KIF5C: variants seen among roughly 807,000 people sequenced by gnomAD.
The protein encoded by KIF5C is kinesin heavy chain isoform 5C.
KIF5C carries 18 observed loss-of-function variants against 125.2 expected under a neutral mutation model. That is an observed-to-expected ratio of 0.14 (90% CI 0.10 to 0.21). The LOEUF (loss-of-function observed/expected upper bound fraction) is 0.21, where lower values mean the gene tolerates loss of function less well. KIF5C is among the 10% of genes least tolerant of loss of function. The pLI, the probability that KIF5C is intolerant of heterozygous loss-of-function variation, is 1.00. For missense variants in KIF5C, 780 were observed against 1,183.8 expected, an observed-to-expected ratio of 0.66 and a Z score of 5.01; for synonymous variants, 405 against 434.0, an observed-to-expected ratio of 0.93 and a Z score of 0.83.
intron 3 of KIF5C, among the ~76,000 whole-genome samples, chr2:148,935,243 G>GCC (rs1472311747): frequency 8.1e-4 from 123 of 152,314 alleles, no homozygotes; most frequent in South Asian, 6.0e-3. Flanking sequence ...ACTTGTATAA[G>GCC]CCAGGAATCA....
intron 2 of KIF5C, among the ~76,000 whole-genome samples, chr2:148,925,705 C>A (rs1681965439): frequency 6.6e-6 from 1 of 152,138 alleles, no homozygotes; most frequent in Non-Finnish European, 1.5e-5. Context: ...TATGAGTGGT[C>A]CCTGTTCTGT....
intron 16 of KIF5C, among the ~76,000 whole-genome samples, chr2:148,993,757 T>C (rs879496581): frequency 2.0e-5 from 3 of 152,240 alleles, no homozygotes; most frequent in Non-Finnish European, 4.4e-5. Flanking sequence ...CAACAAGCTC[T>C]CATTCATCCA....
intron 1 of KIF5C, chr2:148,888,167 C>T (rs1023931901): frequency 6.6e-6 from 1 of 152,222 alleles, no homozygotes; most frequent in African/African-American, 2.4e-5. Flanking sequence ...GAAGGGGCCC[C>T]CAGTCGCCGG....
Position 148,953,082 on chromosome 2 carries a change from T to C in KIF5C, c.968+2620T>C, listed in dbSNP as rs181826357. 7.2e-5 allele frequency among the ~76,000 whole-genome samples: 11 copies of C among 152,328 alleles called. No individual in the cohort carries two copies. The East Asian group carries it at 7.7e-4, about 11-fold the overall frequency. On this transcript the variant is annotated intron_variant, in intron 10 of 25. Coordinates refer to ENST00000435030, the MANE Select transcript of KIF5C (RefSeq NM_004522.3). ...ATATAAATTATGTTTTCAAATGAAATAGGTCGGTCTACATTCTTTTATCAG... is the reference window on the plus strand; with the variant it reads ...ATATAAATTATGTTTTCAAATGAAACAGGTCGGTCTACATTCTTTTATCAG...
At chr2:148,891,800 C>T (rs142726894) in intron 1 of KIF5C, among the ~76,000 whole-genome samples, 1,898 of 152,180 alleles carry the variant, frequency 0.012, 35 homozygotes, top group African/African-American at 0.043. Flanking sequence ...CAGGTTCAAG[C>T]GATTTTCCTG....
Position 148,978,942 on chromosome 2 carries a change from G to A in KIF5C, c.1314G>A (p.Gln438=). The A allele has an allele frequency of 6.3e-7, 1 of 1,599,142 alleles. No homozygotes were observed. Among genetic ancestry groups the A allele is most frequent in the Non-Finnish European group, 8.5e-7 (1 of 1,172,864 alleles). Residue 438 remains glutamine, a synonymous_variant, in exon 13 of 26, where the codon CAG becomes CAA. Transcript: ENST00000435030. ...TTCAGGATGATGAAATTAACCAGCA[G>A]AGCCAGCTGGCTGAAAAGCTGAAGC... ...LDDKDDEINQ[Q]SQLAEKLKQQ... is the part of the protein sequence containing the mutation.
chr2:148,986,311 A>G (rs1009232104), intron 15 of KIF5C, among the ~76,000 whole-genome samples: 6 of 152,220 alleles, frequency 3.9e-5, no homozygotes, highest in African/African-American at 1.4e-4. Flanking sequence ...GATTCCAGAC[A>G]TTGGATGTCC....
chr2:148,997,138 TA>T (rs1681697747), intron 17 of KIF5C, 125 bp from the exon 18 acceptor site: 2 of 1,415,692 alleles, frequency 1.4e-6, no homozygotes, highest in South Asian at 3.0e-5. Context: ...GCCATGGTTG[TA>T]ATTGCTGATA....
rs975950458 is a variant in KIF5C at position 148,933,768 on chromosome 2, C to T, written c.292-3516C>T. ...ATACACACGCACACACATACATTCA[C>T]GACACACCATATACCACATACCCCC... On this transcript the variant is annotated intron_variant, in intron 3 of 25. Coordinates refer to ENST00000435030, the MANE Select transcript of KIF5C (RefSeq NM_004522.3). Among the ~76,000 whole-genome samples, 240 of 150,022 alleles carry T rather than the reference C, an allele frequency of 1.6e-3. 1 individual carries two copies. Among genetic ancestry groups the T allele is most frequent in the African/African-American group, 5.3e-3 (215 of 40,820 alleles).
Position 148,875,746 on chromosome 2 carries a change from A to T in KIF5C, c.126+3A>T. 1 of 1,603,370 alleles carries T rather than the reference A, an allele frequency of 6.2e-7. No individual in the cohort carries two copies. Among genetic ancestry groups the T allele is most frequent in the Admixed American group, 1.7e-5 (1 of 58,660 alleles). ...GCGATGAGACCGTGGTGATCGGGGTAAGTGGCTGGGGCGTCTGCCTTCCCT... is the reference window on the plus strand; with the variant it reads ...GCGATGAGACCGTGGTGATCGGGGTTAGTGGCTGGGGCGTCTGCCTTCCCT... On this transcript the variant is annotated splice_donor_region_variant and intron_variant, in intron 1 of 25. Coordinates refer to ENST00000435030, the MANE Select transcript of KIF5C (RefSeq NM_004522.3).
At chr2:148,949,521 G>T (rs991255065) in intron 8 of KIF5C, among the ~76,000 whole-genome samples, 2 of 152,134 alleles carry the variant, frequency 1.3e-5, no homozygotes, top group Non-Finnish European at 2.9e-5. Flanking sequence ...CCCAGGGCCC[G>T]AGCTACCCAT....
At chr2:148,926,667 C>T (rs1414134055) in intron 2 of KIF5C, among the ~76,000 whole-genome samples, 4 of 152,212 alleles carry the variant, frequency 2.6e-5, no homozygotes, top group African/African-American at 9.7e-5. Context: ...TGCCTTCCCT[C>T]ACCAGCAAAT....
At chr2:149,015,761 G>A (rs1682340585) in intron 25 of KIF5C, among the ~76,000 whole-genome samples, 1 of 152,172 alleles carries the variant, frequency 6.6e-6, no homozygotes, top group South Asian at 2.1e-4. Context: ...GTGACATTGG[G>A]CAAGTTACTT....
At chr2:149,019,386 A>G (rs1470316639) in intron 25 of KIF5C, among the ~76,000 whole-genome samples, 1 of 152,196 alleles carries the variant, frequency 6.6e-6, no homozygotes, top group Non-Finnish European at 1.5e-5. Context: ...CAGACCTGAA[A>G]AGACAGCTGA....
intron 21 of KIF5C, among the ~76,000 whole-genome samples, chr2:149,004,002 G>A (rs891677213): frequency 7.9e-5 from 12 of 152,236 alleles, no homozygotes; most frequent in African/African-American, 2.9e-4. Context: ...CCTCCGGCAG[G>A]GCCTGGGACA....
In KIF5C at chr2:148,875,575, G is replaced by GGCCCCCCCCCCC; in HGVS notation, c.-43_-42insGCCCCCCCCCCC. 15 of 699,592 alleles carry GGCCCCCCCCCCC rather than the reference G, an allele frequency of 2.1e-5. No individual in the cohort carries two copies. The highest frequency in any genetic ancestry group is 3.0e-5 in the East Asian group (1 of 33,464). The allele number at this position is 699,592 out of a possible 1,614,324, so 43.3% of individuals were successfully genotyped here. A position where few individuals can be genotyped will look rare whatever the true frequency, so the allele number is the denominator to read the frequency against. The stretch of plus-strand genomic sequence containing the variant: ...TCCTCCCTCGTCGTTCCCGGCCCCG[G>GGCCCCCCCCCCC]CCCCCCACCCATCCCCGTGCCCCCT... On this transcript the variant is annotated 5_prime_UTR_variant, in exon 1 of 26. Coordinates refer to ENST00000435030, the MANE Select transcript of KIF5C (RefSeq NM_004522.3).
Position 148,942,056 on chromosome 2 carries a change from C to A in KIF5C, c.501+66C>A, listed in dbSNP as rs575753436. The A allele has an allele frequency of 5.1e-6, 8 of 1,557,242 alleles. 1 individual carries two copies. The African/African-American group carries it at 8.2e-5, about 16-fold the overall frequency. On this transcript the variant is annotated intron_variant, in intron 6 of 25. Coordinates refer to ENST00000435030, the MANE Select transcript of KIF5C (RefSeq NM_004522.3). ...CCAGTCTCTGTCATAATAATTATTA[C>A]ATAAGATGTGCAGAATATTATCTGT...
At chr2:148,980,084 T>C (rs1381294603) in intron 13 of KIF5C, among the ~76,000 whole-genome samples, 7 of 152,236 alleles carry the variant, frequency 4.6e-5, no homozygotes, top group Non-Finnish European at 1.0e-4. Context: ...CCCAGGCCTC[T>C]GTAGGCATAA....
intron 2 of KIF5C, among the ~76,000 whole-genome samples, chr2:148,927,902 C>T (rs146240842): frequency 0.14 from 21,346 of 151,926 alleles, 2,362 homozygotes; most frequent in African/African-American, 0.3. Context: ...TCCTCTCTCT[C>T]CCTGTCCCTC....
Sources: gnomAD v4.1 joint callset for allele counts (sites outside exome capture counted in the v4.1 genomes callset) on GRCh38, gnomAD v4.1.1 for gene constraint, MANE v1.5 for transcripts, NCBI Gene and HGNC (gene_info 2026-07-23, HGNC 2026-07-21) for gene names.